Variants in GYG2 observed in about 807,000 individuals in gnomAD.
GYG2 encodes glycogenin 2, also known as glycogenin-2.
Under a neutral mutation model 29.4 loss-of-function variants are expected in GYG2, and 29 were observed. That is an observed-to-expected ratio of 0.99 (90% CI 0.74 to 1.35). The LOEUF is 1.35. GYG2 is among the 40% of genes most tolerant of loss of function. GYG2 has a pLI of 0.00. For missense variants in GYG2, 370 were observed against 385.7 expected, an observed-to-expected ratio of 0.96 and a Z score of 0.34; for synonymous variants, 167 against 172.3, an observed-to-expected ratio of 0.97 and a Z score of 0.24.
At chrX:2,878,919 G>A (rs931240111) in intron 10 of GYG2, among the ~76,000 whole-genome samples, 3 of 112,112 alleles carry the variant, frequency 2.7e-5, no homozygotes, top group African/African-American at 9.7e-5. Flanking sequence ...GTTGGGTGCT[G>A]TAGGTCCTGT....
intron 2 of GYG2, among the ~76,000 whole-genome samples, chrX:2,836,673 CAAAA>C (rs571518086): frequency 3.8e-4 from 18 of 47,856 alleles, no homozygotes; most frequent in African/African-American, 6.4e-4. Context: ...AAGACCCTGT[CAAAA>C]AAAAAAAAAA....
At position 2,861,787 on chromosome X, in the gene GYG2, G is replaced by T. The variant is rs1569068456; in HGVS notation, c.1038+65G>T. 5.6e-6 allele frequency: 5 copies of T among 895,933 alleles called. No homozygotes were observed. The East Asian group carries it at 1.4e-4, about 24-fold the overall frequency. The allele number at this position is 895,933 out of a possible 1,213,427, so 73.8% of individuals were successfully genotyped here. ...CTGGCTCGCAGTGAGAGAGCAGAGA[G>T]AGCCGGCTTCCCTGGCTCCCTGGGG... On this transcript the variant is annotated intron_variant, in intron 8 of 10. Coordinates refer to ENST00000398806, the MANE Select transcript of GYG2 (RefSeq NM_001079855.2).
intron 10 of GYG2, among the ~76,000 whole-genome samples, chrX:2,880,714 A>G (rs1049239008): frequency 1.8e-5 from 2 of 110,891 alleles, no homozygotes; most frequent in African/African-American, 6.6e-5. Context: ...TCAAGACCAC[A>G]CTGGGCAACA....
chrX:2,858,793 A>G (rs2088085134), intron 6 of GYG2, among the ~76,000 whole-genome samples: 1 of 111,923 alleles, frequency 8.9e-6, no homozygotes, highest in Non-Finnish European at 1.9e-5. Context: ...GATCCACGAA[A>G]AAAAAGTTTA....
chrX:2,872,931 G>C (rs758882415), intron 8 of GYG2, among the ~76,000 whole-genome samples: 1 of 111,760 alleles, frequency 8.9e-6, no homozygotes, highest in African/African-American at 3.3e-5. Context: ...ATTTTTATGG[G>C]ATTCATATGG....
chrX:2,852,070 C>T (rs571009350), intron 3 of GYG2, among the ~76,000 whole-genome samples: 1 of 111,384 alleles, frequency 9.0e-6, no homozygotes, highest in South Asian at 3.8e-4. Context: ...GCTTCATAAA[C>T]ATTGTGAAAC....
chrX:2,835,155 GTTA>G (rs1206912418), intron 2 of GYG2, among the ~76,000 whole-genome samples: 2 of 111,886 alleles, frequency 1.8e-5, no homozygotes, highest in African/African-American at 6.5e-5. Context: ...AGTCGAAAGA[GTTA>G]TTATCAATAG....
chrX:2,880,439 T>TGTGTGTGC (rs1555902174), intron 10 of GYG2, among the ~76,000 whole-genome samples: 21 of 103,762 alleles, frequency 2.0e-4, no homozygotes, highest in African/African-American at 7.0e-4. Flanking sequence ...TGTGTGTGTG[T>TGTGTGTGC]GCACATGCGC....
chrX:2,849,373 C>T (rs2087817059), intron 3 of GYG2, among the ~76,000 whole-genome samples: 1 of 111,032 alleles, frequency 9.0e-6, no homozygotes, highest in African/African-American at 3.3e-5. Context: ...AAATAAATGT[C>T]GAGTCCAAGA....
intron 10 of GYG2, chrX:2,878,408 G>T (rs1213108795): frequency 2.6e-5 from 3 of 114,746 alleles, no homozygotes; most frequent in African/African-American, 9.7e-5. Context: ...GGAACTACAG[G>T]CATGGGCCAC....
rs778625729 is a variant in GYG2 at position 2,856,766 on chromosome X, A to G, written c.614+142A>G. The G allele has an allele frequency of 5.0e-4, 189 of 381,591 alleles. 4 individuals are homozygous for G. In the East Asian group the frequency reaches 7.8e-3, roughly 16 times the overall value. 31.4% of individuals were successfully genotyped at this position (381,591 alleles called of 1,213,427 possible). On this transcript the variant is annotated intron_variant, in intron 6 of 10. Coordinates refer to ENST00000398806, the MANE Select transcript of GYG2 (RefSeq NM_001079855.2). ...TATCTATCTATGTATCTATCTATCT[A>G]TCTATCTATCTATCTATCTATCATC...
At chrX:2,872,598 C>A (rs1205643329) in intron 8 of GYG2, among the ~76,000 whole-genome samples, 1 of 112,282 alleles carries the variant, frequency 8.9e-6, no homozygotes, top group East Asian at 2.8e-4. Context: ...AAACATATAA[C>A]CCCGAGTTAA....
chrX:2,879,336 C>T (rs188784655), intron 10 of GYG2, among the ~76,000 whole-genome samples: 36 of 103,285 alleles, frequency 3.5e-4, no homozygotes, highest in African/African-American at 1.2e-3. Context: ...GGCGTGATCT[C>T]GGCTCACTGC....
rs184873925 is a variant in GYG2 at position 2,861,504 on chromosome X, G to A, written c.838-18G>A. 60 of 1,176,084 alleles carry A rather than the reference G, an allele frequency of 5.1e-5. No individual in the cohort carries two copies. In the East Asian group the frequency reaches 1.7e-3, roughly 34 times the overall value. The stretch of plus-strand genomic sequence containing the variant: ...GAGACATAGGGAAGACTCACTCCAC[G>A]TGTGTGTTTTTGTGCAGCTTTGCCA... On this transcript the variant is annotated intron_variant, in intron 7 of 10. Coordinates refer to ENST00000398806, the MANE Select transcript of GYG2 (RefSeq NM_001079855.2).
At position 2,855,109 on chromosome X, in the gene GYG2, G is replaced by C. The variant is rs775805807; in HGVS notation, c.441G>C (p.Thr147=). 3.1e-5 allele frequency: 37 copies of C among 1,209,524 alleles called. No individual in the cohort carries two copies. The South Asian group carries it at 3.3e-4, about 11-fold the overall frequency. ...TTGTCTTCCAGCCTTCTCTCCACAC[G>C]CATAAACTCCTGCTACAGCACGCCA... The part of the protein sequence containing the change: ...GVFVFQPSLH[T]HKLLLQHAME... Residue 147 remains threonine (T), a synonymous_variant, in exon 5 of 11, where the codon ACG becomes ACC. Coordinates refer to ENST00000398806, the MANE Select transcript of GYG2 (RefSeq NM_001079855.2).
intron 8 of GYG2, among the ~76,000 whole-genome samples, chrX:2,863,933 T>C (rs1056584460): frequency 1.8e-5 from 2 of 111,261 alleles, no homozygotes; most frequent in Non-Finnish European, 3.8e-5. Flanking sequence ...TAAGGAAAAA[T>C]CGCATTTACA....
At chrX:2,854,356 C>T (rs990291907) in intron 4 of GYG2, among the ~76,000 whole-genome samples, 4 of 111,470 alleles carry the variant, frequency 3.6e-5, no homozygotes, top group African/African-American at 1.3e-4. Context: ...CGAGTGGCTG[C>T]TATTACAGGC....
chrX:2,840,553 A>G (rs191553510), intron 2 of GYG2, among the ~76,000 whole-genome samples: 10 of 112,224 alleles, frequency 8.9e-5, no homozygotes, highest in Non-Finnish European at 1.5e-4. Flanking sequence ...TAAGAAAACT[A>G]TAGATAGATT....
intron 6 of GYG2, among the ~76,000 whole-genome samples, chrX:2,857,234 TATC>T (rs2088034849): frequency 9.3e-6 from 1 of 107,842 alleles, no homozygotes; most frequent in African/African-American, 3.4e-5. Context: ...CTGTCTAATC[TATC>T]ATCTATCATA....
Sources: allele counts gnomAD v4.1 joint callset (sites outside exome capture counted in the v4.1 genomes callset), GRCh38; gene constraint gnomAD v4.1.1; transcripts MANE v1.5; gene names NCBI Gene and HGNC (gene_info 2026-07-23, HGNC 2026-07-21).